The following AGBL3 variants were observed in gnomAD, a reference collection of about 807,000 sequenced individuals.
The protein encoded by AGBL3 is AGBL carboxypeptidase 3, also known as cytosolic carboxypeptidase 3.
A neutral mutation model predicts 94.5 loss-of-function variants in AGBL3; 68 were observed. The ratio of observed to expected loss-of-function variants is 0.72; its 90% CI spans 0.59 to 0.88. AGBL3 has a LOEUF of 0.88. AGBL3 is among the 40% of genes least tolerant of loss of function. AGBL3 has a pLI of 0.00. For missense variants in AGBL3, 934 were observed against 1,103.8 expected (o/e 0.85, Z 2.18); for synonymous variants, 354 against 370.7 (o/e 0.95, Z 0.52).
intron 15 of AGBL3, among the ~76,000 whole-genome samples, chr7:135,108,692 T>C (rs1825147790): frequency 6.6e-6 from 1 of 152,216 alleles, no homozygotes; most frequent in South Asian, 2.1e-4. Context: ...TCTTCTTGTA[T>C]AGAATCTTGC....
intron 8 of AGBL3, among the ~76,000 whole-genome samples, chr7:135,037,872 G>GT (rs945466863): frequency 3.3e-5 from 5 of 151,958 alleles, no homozygotes; most frequent in East Asian, 1.9e-4. Flanking sequence ...AATTTTAGGG[G>GT]TTTTTTTATT....
At chr7:134,999,197 A>G (rs1811395760) in intron 4 of AGBL3, among the ~76,000 whole-genome samples, 1 of 152,212 alleles carries the variant, frequency 6.6e-6, no homozygotes, top group Non-Finnish European at 1.5e-5. Flanking sequence ...CTTCTGTTTC[A>G]GTCCTTTTAC....
Position 135,066,959 on chromosome 7 carries a change from C to G in AGBL3, c.1908+7724C>G, listed in dbSNP as rs138502950. Among the ~76,000 whole-genome samples, 192 of 152,332 alleles carry G rather than the reference C, an allele frequency of 1.3e-3. 3 individuals carry two copies. Among genetic ancestry groups the G allele is most frequent in the African/African-American group, 4.6e-3 (190 of 41,568 alleles). On this transcript the variant is annotated intron_variant, in intron 12 of 16. Coordinates refer to ENST00000436302, the MANE Select transcript of AGBL3 (RefSeq NM_178563.4). ...GAGGCATTGCCTCACCCAAGAAGTA[C>G]AAGGGGTCAGGGAATTCCCTTTCCT...
At chr7:135,033,557 T>C (rs1184080996) in intron 6 of AGBL3, among the ~76,000 whole-genome samples, 1 of 152,200 alleles carries the variant, frequency 6.6e-6, no homozygotes, top group African/African-American at 2.4e-5. Flanking sequence ...AACCAGATAA[T>C]ATTGTTATGT....
At chr7:135,084,873 C>T (rs1821208256) in intron 15 of AGBL3, among the ~76,000 whole-genome samples, 1 of 152,098 alleles carries the variant, frequency 6.6e-6, no homozygotes, top group African/African-American at 2.4e-5. Context: ...AGTGGGATTG[C>T]TGTATCATAT....
chr7:135,045,956 A>G (rs1476185860), intron 11 of AGBL3, 45 bp downstream of exon 11: 3 of 1,230,782 alleles, frequency 2.4e-6, no homozygotes, highest in African/African-American at 3.1e-5. Context: ...GTGCTGTTTT[A>G]CTATGTTCTT....
intron 15 of AGBL3, among the ~76,000 whole-genome samples, chr7:135,087,063 C>A (rs1268281316): frequency 6.6e-6 from 1 of 151,852 alleles, no homozygotes; most frequent in Non-Finnish European, 1.5e-5. Flanking sequence ...TTCTTCTTTG[C>A]TTAATCTTAG....
Position 135,040,342 on chromosome 7 carries a change from C to T in AGBL3, c.1500+2762C>T, listed in dbSNP as rs1228463728. On this transcript the variant is annotated intron_variant, in intron 8 of 16. Coordinates refer to ENST00000436302, the MANE Select transcript of AGBL3 (RefSeq NM_178563.4). ...AGAAAAGAAAACTACAGACTAATAT[C>T]CCTCATGGACATAGATGCAAAAATT... Among the ~76,000 whole-genome samples the T allele has an allele frequency of 2.6e-5, 4 of 152,106 alleles. No individual in the cohort carries two copies. The South Asian group carries it at 8.3e-4, about 31-fold the overall frequency.
intron 4 of AGBL3, among the ~76,000 whole-genome samples, chr7:135,000,457 G>A (rs1811578397): frequency 6.6e-6 from 1 of 152,108 alleles, no homozygotes; most frequent in Admixed American, 6.6e-5. Context: ...CTTGAACTGG[G>A]ATATTCATCA....
intron 2 of AGBL3, 199 bp downstream of exon 2, chr7:134,988,195 A>C: frequency 2.5e-6 from 1 of 396,198 alleles, no homozygotes; most frequent in East Asian, 4.5e-5. Context: ...GAGAAACTAT[A>C]TTTGTATTTT....
intron 16 of AGBL3, among the ~76,000 whole-genome samples, chr7:135,117,096 G>A (rs1563283276): frequency 6.6e-6 from 1 of 152,084 alleles, no homozygotes; most frequent in Non-Finnish European, 1.5e-5. Flanking sequence ...GTTATTTTTA[G>A]TGCAAAGAAT....
At chr7:135,011,576 C>T (rs1161083461) in intron 4 of AGBL3, 1 of 152,012 alleles carries the variant, frequency 6.6e-6, no homozygotes, top group Non-Finnish European at 1.5e-5. Flanking sequence ...AGACAAACAA[C>T]CCAGTAGGAA....
chr7:135,093,774 A>C (rs1462106162), intron 15 of AGBL3: 1 of 152,216 alleles, frequency 6.6e-6, no homozygotes, highest in Non-Finnish European at 1.5e-5. Context: ...TTATATGGAA[A>C]TACAAGGGAC....
intron 12 of AGBL3, among the ~76,000 whole-genome samples, chr7:135,064,371 G>A (rs185872119): frequency 1.1e-4 from 16 of 152,262 alleles, no homozygotes; most frequent in South Asian, 6.2e-4. Context: ...GGTAGGCTTC[G>A]GACTTCAGTT....
intron 11 of AGBL3, among the ~76,000 whole-genome samples, chr7:135,053,024 T>C (rs1818021967): frequency 6.6e-6 from 1 of 152,230 alleles, no homozygotes; most frequent in African/African-American, 2.4e-5. Context: ...ATATTACAAA[T>C]GTGCTACTTA....
chr7:135,010,648 G>A (rs573155240), intron 4 of AGBL3: 2 of 152,030 alleles, frequency 1.3e-5, no homozygotes, highest in African/African-American at 2.4e-5. Context: ...TGGAGAGGAT[G>A]GGGTATTATG....
At chr7:135,094,115 ACAAATG>A in intron 15 of AGBL3, 1 of 284,628 alleles carries the variant, frequency 3.5e-6, no homozygotes, top group East Asian at 1.0e-4. Context: ...GATCACAGAA[ACAAATG>A]TAGGAGTTAA....
chr7:135,089,780 T>C (rs904178654), intron 15 of AGBL3, among the ~76,000 whole-genome samples: 3 of 152,222 alleles, frequency 2.0e-5, no homozygotes, highest in Non-Finnish European at 2.9e-5. Flanking sequence ...ATCCCTCTTG[T>C]TGTCAAGACT....
chr7:135,053,429 T>G (rs918010790), intron 11 of AGBL3, among the ~76,000 whole-genome samples: 2 of 151,926 alleles, frequency 1.3e-5, no homozygotes, highest in Admixed American at 1.3e-4. Context: ...CCAACATGGA[T>G]AAACCCCATC....
Sources: gnomAD v4.1 joint callset for allele counts (sites outside exome capture counted in the v4.1 genomes callset) on GRCh38, gnomAD v4.1.1 for gene constraint, MANE v1.5 for transcripts, NCBI Gene and HGNC (gene_info 2026-07-23, HGNC 2026-07-21) for gene names.